CSMD1: variants seen among roughly 807,000 people sequenced by gnomAD.
CSMD1 encodes the protein CUB and Sushi multiple domains 1.
In CSMD1, 213 loss-of-function variants were observed where a neutral mutation model predicts 417.5. The ratio of observed to expected loss-of-function variants is 0.51; its 90% CI spans 0.46 to 0.57. The LOEUF is 0.57. Among genes scored for constraint, CSMD1 ranks in the 20% least tolerant of loss-of-function variants. CSMD1 has a pLI of 0.00. For missense variants in CSMD1, 6,923 were observed against 4,529.7 expected (o/e 1.53, Z -15.17); for synonymous variants, 2,862 against 1,736.8 (o/e 1.65, Z -16.11).
At chr8:3,828,279 A>T (rs1192729086) in intron 5 of CSMD1, among the ~76,000 whole-genome samples, 1 of 152,204 alleles carries the variant, frequency 6.6e-6, no homozygotes, top group Non-Finnish European at 1.5e-5. Flanking sequence ...GGCTCTTCCG[A>T]ACATGCTTAT....
At chr8:3,767,227 G>C (rs1005763283) in intron 5 of CSMD1, among the ~76,000 whole-genome samples, 3 of 152,232 alleles carry the variant, frequency 2.0e-5, no homozygotes, top group East Asian at 1.9e-4. Flanking sequence ...TCTGGACTGA[G>C]GCCAAAGAGC....
chr8:3,627,617 A>C (rs1051871333), intron 7 of CSMD1, among the ~76,000 whole-genome samples: 2 of 152,206 alleles, frequency 1.3e-5, no homozygotes, highest in Admixed American at 6.5e-5. Flanking sequence ...TGTAAACTTT[A>C]ATGTTTATAG....
chr8:4,630,662 G>A (rs575465373), intron 2 of CSMD1, among the ~76,000 whole-genome samples: 1 of 152,186 alleles, frequency 6.6e-6, no homozygotes, highest in East Asian at 1.9e-4. Flanking sequence ...ACCTAATTAT[G>A]GGAACATTAT....
intron 3 of CSMD1, among the ~76,000 whole-genome samples, chr8:4,166,859 A>G (rs972028830): frequency 6.6e-6 from 1 of 152,228 alleles, no homozygotes; most frequent in African/African-American, 2.4e-5. Flanking sequence ...TGTTTCAATG[A>G]ACAACAAATA....
intron 8 of CSMD1, among the ~76,000 whole-genome samples, chr8:3,614,424 T>G (rs1802039132): frequency 6.6e-6 from 1 of 152,058 alleles, no homozygotes; most frequent in Non-Finnish European, 1.5e-5. Context: ...CAGAAATAAG[T>G]CTGATCTGAG....
chr8:4,920,975 AAAGAAACAAAGAAAGAAAGAAAAG>A (rs1256528096), intron 1 of CSMD1, among the ~76,000 whole-genome samples: 3 of 14,000 alleles, frequency 2.1e-4, no homozygotes, highest in South Asian at 4.5e-3. Context: ...AGAAAGAAAG[AAAGAAACAAAGAAAGAAAGAAAAG>A]AAAGAAAGAA....
chr8:4,988,077 C>A (rs1811272303), intron 1 of CSMD1, among the ~76,000 whole-genome samples: 1 of 152,104 alleles, frequency 6.6e-6, no homozygotes, highest in Admixed American at 6.5e-5. Flanking sequence ...TGTTCTGTCC[C>A]TCTAGAGAAT....
chr8:3,843,562 T>C (rs756414991), intron 5 of CSMD1, among the ~76,000 whole-genome samples: 13 of 151,928 alleles, frequency 8.6e-5, no homozygotes, highest in Non-Finnish European at 1.5e-4. Flanking sequence ...TTATTCACGA[T>C]GCTTTTATGT....
chr8:3,359,238 AG>A lies in CSMD1; in HGVS notation c.3217del (p.Leu1073TrpfsTer5), dbSNP rs1563308498. The A allele has an allele frequency of 6.2e-7, 1 of 1,613,916 alleles. No homozygotes were observed. Among genetic ancestry groups the A allele is most frequent in the Non-Finnish European group, 8.5e-7 (1 of 1,179,844 alleles). On this transcript the variant is annotated frameshift_variant, in exon 21 of 70. Transcript: ENST00000635120. LOFTEE classifies it high-confidence loss of function. Reference protein sequence around the residue: ...VGDSLTFSCFLGYRLEGATKL... With the variant: ...VGDSLTFSCFXGYRLEGATKL... ...GGTGGCACCTTCTAAACGATATCCCAGGAAGCAGGAAAACGTCAGAGAGTCT... is the reference window on the plus strand; with the variant it reads ...GGTGGCACCTTCTAAACGATATCCCAGAAGCAGGAAAACGTCAGAGAGTCT...
At chr8:4,682,273 C>T (rs984506112) in intron 1 of CSMD1, among the ~76,000 whole-genome samples, 15 of 152,232 alleles carry the variant, frequency 9.9e-5, no homozygotes, top group African/African-American at 3.6e-4. Flanking sequence ...TAAAGCAATC[C>T]ACCTGCCTTA....
intron 11 of CSMD1, among the ~76,000 whole-genome samples, chr8:3,481,784 G>A (rs866611384): frequency 1.8e-4 from 27 of 152,170 alleles, no homozygotes; most frequent in Admixed American, 1.8e-3. Flanking sequence ...TAAGCTGGAA[G>A]AAGAAAGGGA....
intron 5 of CSMD1, among the ~76,000 whole-genome samples, chr8:3,836,870 C>G (rs1802744058): frequency 6.6e-6 from 1 of 151,976 alleles, no homozygotes; most frequent in Non-Finnish European, 1.5e-5. Flanking sequence ...TTTAATATAA[C>G]TTGACTAAAG....
intron 30 of CSMD1, among the ~76,000 whole-genome samples, chr8:3,210,577 T>A (rs10091730): frequency 2.9e-5 from 4 of 135,770 alleles, no homozygotes; most frequent in South Asian, 2.4e-4. Context: ...CCTATACATA[T>A]GTGTATAAAT....
At position 4,043,772 on chromosome 8, in the gene CSMD1, C is replaced by G. The variant is rs115318392; in HGVS notation, c.416-11673G>C. On this transcript the variant is annotated intron_variant, in intron 3 of 69. Coordinates refer to ENST00000635120, the MANE Select transcript of CSMD1 (RefSeq NM_033225.6). ...ATATCTTGCTGAGCTCTTTCAAATGCTGGAACGCTTTATATATGGTATTTC... is the reference window on the plus strand; with the variant it reads ...ATATCTTGCTGAGCTCTTTCAAATGGTGGAACGCTTTATATATGGTATTTC... Among the ~76,000 whole-genome samples, 1,039 of 152,174 alleles carry G rather than the reference C, an allele frequency of 6.8e-3. 16 individuals carry two copies. Among genetic ancestry groups the G allele is most frequent in the African/African-American group, 0.024 (1,001 of 41,500 alleles).
At chr8:3,281,572 G>A (rs1412072018) in intron 26 of CSMD1, among the ~76,000 whole-genome samples, 2 of 152,144 alleles carry the variant, frequency 1.3e-5, no homozygotes. Flanking sequence ...AGTGAAAGAA[G>A]ACAACATGAA....
chr8:4,091,184 G>A (rs911981219), intron 3 of CSMD1, among the ~76,000 whole-genome samples: 2 of 152,090 alleles, frequency 1.3e-5, no homozygotes, highest in Non-Finnish European at 2.9e-5. Flanking sequence ...CTCCCAAAGT[G>A]CTGGGATTAC....
At chr8:4,070,931 T>A (rs994113367) in intron 3 of CSMD1, among the ~76,000 whole-genome samples, 1 of 152,226 alleles carries the variant, frequency 6.6e-6, no homozygotes, top group African/African-American at 2.4e-5. Flanking sequence ...TTTCTATGGA[T>A]GGCCTCCATG....
intron 1 of CSMD1, among the ~76,000 whole-genome samples, chr8:4,687,012 G>T (rs1444487252): frequency 6.6e-6 from 1 of 152,178 alleles, no homozygotes; most frequent in African/African-American, 2.4e-5. Flanking sequence ...CTGGCACATG[G>T]CACCAGCCAG....
intron 1 of CSMD1, among the ~76,000 whole-genome samples, chr8:4,820,531 GAAT>G (rs1304477577): frequency 6.6e-6 from 1 of 152,056 alleles, no homozygotes; most frequent in Non-Finnish European, 1.5e-5. Context: ...AAAGACAGAA[GAAT>G]AATAAGGGAA....
Sources: gnomAD v4.1 joint callset for allele counts (sites outside exome capture counted in the v4.1 genomes callset) on GRCh38, gnomAD v4.1.1 for gene constraint, MANE v1.5 for transcripts, NCBI Gene and HGNC (gene_info 2026-07-23, HGNC 2026-07-21) for gene names.